The following DNAI1 variants were observed in gnomAD, a reference collection of about 807,000 sequenced individuals.
DNAI1 encodes dynein, axonemal, intermediate polypeptide 1.
Under a neutral mutation model 92.0 loss-of-function variants are expected in DNAI1, and 67 were observed. That is an observed-to-expected ratio of 0.73 (90% CI 0.60 to 0.89). The LOEUF is 0.89. Ranked by LOEUF, DNAI1 falls within the 40% of genes least tolerant of loss-of-function variation. The pLI is 0.00. For synonymous variants in DNAI1, 323 were observed against 319.6 expected (o/e 1.01, Z -0.11); for missense variants, 839 against 866.6 (o/e 0.97, Z 0.40).
intron 2 of DNAI1, among the ~76,000 whole-genome samples, chr9:34,484,561 A>G (rs1216075770): frequency 6.6e-6 from 1 of 152,228 alleles, no homozygotes; most frequent in Non-Finnish European, 1.5e-5. Context: ...TTAAAAAAAT[A>G]TATCATGGGC....
intron 10 of DNAI1, among the ~76,000 whole-genome samples, chr9:34,499,022 T>G (rs1824776416): frequency 6.6e-6 from 1 of 152,240 alleles, no homozygotes; most frequent in Admixed American, 6.5e-5. Context: ...GTGAACCACT[T>G]TCATTTATAA....
intron 1 of DNAI1, among the ~76,000 whole-genome samples, chr9:34,478,282 A>C (rs753016470): frequency 2.0e-5 from 3 of 152,184 alleles, no homozygotes; most frequent in Non-Finnish European, 2.9e-5. Flanking sequence ...TGGGGATAAG[A>C]GCATTCAAGG....
Position 34,514,658 on chromosome 9 carries a change from T to A in DNAI1, c.1737T>A (p.Tyr579Ter). The A allele has an allele frequency of 6.2e-7, 1 of 1,614,240 alleles. No individual in the cohort carries two copies. Among genetic ancestry groups the A allele is most frequent in the Non-Finnish European group, 8.5e-7 (1 of 1,180,048 alleles). Residue 579 changes from tyrosine to a stop codon, truncating the protein, a stop_gained, in exon 18 of 20, where the codon TAT (tyrosine) becomes TAA (stop). Coordinates refer to ENST00000242317, the MANE Select transcript of DNAI1 (RefSeq NM_012144.4). LOFTEE classifies it high-confidence loss of function. ...TCTGCAGGACCCCGATGTTCATCTA[T>A]GACCTGAACTCAGCCGTGGGTGATG... The part of the protein sequence containing the change: ...DHTIKTPMFI[Y>*]DLNSAVGDVA...
Position 34,497,218 on chromosome 9 carries a change from G to A in DNAI1, c.901+19G>A. On this transcript the variant is annotated intron_variant, in intron 10 of 19. Coordinates refer to ENST00000242317, the MANE Select transcript of DNAI1 (RefSeq NM_012144.4). ...GCTCAAGGTAAGAGTTGAAGTTCTG[G>A]CAACCACTATTATTGCCTGTATTAA... is the stretch of plus-strand genomic sequence containing the variant. 1 of 1,594,974 alleles carries A rather than the reference G, an allele frequency of 6.3e-7. No homozygotes were observed. The highest frequency in any genetic ancestry group is 2.2e-5 in the East Asian group (1 of 44,806).
chr9:34,464,354 G>GACCT (rs768134285), intron 1 of DNAI1, among the ~76,000 whole-genome samples: 47 of 152,232 alleles, frequency 3.1e-4, no homozygotes, highest in Middle Eastern at 3.4e-3. Context: ...ATGGGCCTGA[G>GACCT]ACCTACCTGG....
chr9:34,506,505 C>T, intron 12 of DNAI1, 122 bp from the exon 13 acceptor site: 1 of 1,333,974 alleles, frequency 7.5e-7, no homozygotes, highest in Non-Finnish European at 1.1e-6. Context: ...GAGAGGAATC[C>T]CACACTCTGA....
intron 8 of DNAI1, among the ~76,000 whole-genome samples, chr9:34,492,535 T>TATATATATATATATATATATATA (rs1425684909): frequency 7.6e-5 from 10 of 131,890 alleles, no homozygotes; most frequent in Non-Finnish European, 1.1e-4. Flanking sequence ...TATATATATA[T>TATATATATATATATATATATATA]TTGAGACAAG....
At chr9:34,463,754 T>C (rs1823989717) in intron 1 of DNAI1, among the ~76,000 whole-genome samples, 2 of 152,208 alleles carry the variant, frequency 1.3e-5, no homozygotes, top group Admixed American at 1.3e-4. Context: ...GATCATTTTG[T>C]GGTCTCTCAA....
chr9:34,484,280 A>T (rs1824430492), intron 2 of DNAI1, among the ~76,000 whole-genome samples: 1 of 152,222 alleles, frequency 6.6e-6, no homozygotes, highest in South Asian at 2.1e-4. Flanking sequence ...AAATCCTCTA[A>T]CATCAGTACA....
At chr9:34,480,978 C>T (rs181992274) in intron 1 of DNAI1, among the ~76,000 whole-genome samples, 4 of 151,858 alleles carry the variant, frequency 2.6e-5, no homozygotes, top group East Asian at 3.9e-4. Context: ...TGGTGGCTTA[C>T]GCCTGTAATC....
At chr9:34,474,229 C>CT (rs943258713) in intron 1 of DNAI1, among the ~76,000 whole-genome samples, 34 of 148,890 alleles carry the variant, frequency 2.3e-4, no homozygotes, top group Admixed American at 4.0e-4. Flanking sequence ...GTGACTATTT[C>CT]TTTTTTTTTT....
intron 1 of DNAI1, among the ~76,000 whole-genome samples, chr9:34,471,450 A>AG (rs1824131789): frequency 6.7e-6 from 1 of 149,948 alleles, no homozygotes; most frequent in Non-Finnish European, 1.5e-5. Context: ...ACCACCACAA[A>AG]AAAAAAAAAA....
chr9:34,466,236 A>G (rs987800251), intron 1 of DNAI1, among the ~76,000 whole-genome samples: 3 of 152,198 alleles, frequency 2.0e-5, no homozygotes, highest in Non-Finnish European at 4.4e-5. Context: ...CCTTTATCCT[A>G]GTTAAAGCAG....
At chr9:34,462,359 C>A (rs1823967470) in intron 1 of DNAI1, among the ~76,000 whole-genome samples, 1 of 152,178 alleles carries the variant, frequency 6.6e-6, no homozygotes, top group Non-Finnish European at 1.5e-5. Flanking sequence ...TCCTTCATAT[C>A]CTATTCATAT....
At chr9:34,496,341 G>A (rs1027970450) in intron 9 of DNAI1, among the ~76,000 whole-genome samples, 5 of 152,216 alleles carry the variant, frequency 3.3e-5, no homozygotes, top group African/African-American at 1.2e-4. Context: ...ACCCTGGAGG[G>A]CTGCCCATTC....
chr9:34,495,517 C>T (rs1160293885), intron 9 of DNAI1, among the ~76,000 whole-genome samples: 2 of 152,208 alleles, frequency 1.3e-5, no homozygotes, highest in African/African-American at 2.4e-5. Flanking sequence ...TAATACGGTG[C>T]AGCCCCTAAC....
In DNAI1 at chr9:34,520,685, G is replaced by A. The variant is rs556105721; in HGVS notation, c.2029G>A (p.Gly677Ser). 171 of 1,551,646 alleles carry A rather than the reference G, an allele frequency of 1.1e-4. No individual in the cohort carries two copies. In the East Asian group the frequency reaches 4.2e-3, roughly 38 times the overall value. Reference protein sequence around the residue: ...KEKKGQEVQKGPAVEIAKLDK... With the variant: ...KEKKGQEVQKSPAVEIAKLDK... The stretch of plus-strand genomic sequence containing the variant: ...AAAGAAGGGGCAGGAGGTGCAGAAG[G>A]GTCCAGCTGTGGAGATTGCGAAACT... Residue 677 changes from glycine (G) to serine (S), a missense_variant, in exon 20 of 20, where the codon GGT becomes AGT. Coordinates refer to ENST00000242317, the MANE Select transcript of DNAI1 (RefSeq NM_012144.4).
chr9:34,485,565 A>C, intron 4 of DNAI1, 48 bp downstream of exon 4: 1 of 1,561,198 alleles, frequency 6.4e-7, no homozygotes, highest in Non-Finnish European at 8.8e-7. Context: ...ATCTCCTTGG[A>C]GTGACAGTGA....
At chr9:34,491,114 C>T in intron 7 of DNAI1, among the ~76,000 whole-genome samples, 1 of 152,206 alleles carries the variant, frequency 6.6e-6, no homozygotes, top group Non-Finnish European at 1.5e-5. Flanking sequence ...GAGCCAGAGA[C>T]CCTCATATTA....
Sources: gnomAD v4.1 joint callset for allele counts (sites outside exome capture counted in the v4.1 genomes callset) on GRCh38, gnomAD v4.1.1 for gene constraint, MANE v1.5 for transcripts, NCBI Gene and HGNC (gene_info 2026-07-23, HGNC 2026-07-21) for gene names.